SLC6A11: variants seen among roughly 807,000 people sequenced by gnomAD.
The protein encoded by SLC6A11 is sodium- and chloride-dependent GABA transporter 3.
A neutral mutation model predicts 74.8 loss-of-function variants in SLC6A11; 25 were observed. The ratio of observed to expected loss-of-function variants is 0.33; its 90% CI spans 0.24 to 0.47. The LOEUF (loss-of-function observed/expected upper bound fraction) is 0.47, where lower values mean the gene tolerates loss of function less well. SLC6A11 is among the 20% of genes least tolerant of loss of function. The probability of loss-of-function intolerance (pLI) is 1.00; values close to 1 mark genes in which losing one functional copy is unlikely to be tolerated. For missense variants in SLC6A11, 574 were observed against 837.0 expected (o/e 0.69, Z 3.88); for synonymous variants, 330 against 330.2 (o/e 1.00, Z 0.01).
At chr3:10,909,414 A>G (rs1024623276) in intron 6 of SLC6A11, among the ~76,000 whole-genome samples, 1 of 151,810 alleles carries the variant, frequency 6.6e-6, no homozygotes, top group South Asian at 2.1e-4. Context: ...GGTTTGGGGG[A>G]CGTATCTGGG....
intron 5 of SLC6A11, among the ~76,000 whole-genome samples, chr3:10,864,323 C>A (rs2106596647): frequency 6.6e-6 from 1 of 151,592 alleles, no homozygotes; most frequent in African/African-American, 2.4e-5. Flanking sequence ...AAACACCCCT[C>A]CCTTGTGACC....
chr3:10,888,129 C>G, intron 6 of SLC6A11, among the ~76,000 whole-genome samples: 1 of 152,230 alleles, frequency 6.6e-6, no homozygotes, highest in Non-Finnish European at 1.5e-5. Flanking sequence ...TGAATGCCTG[C>G]TCTTCATTCT....
intron 4 of SLC6A11, among the ~76,000 whole-genome samples, chr3:10,839,138 T>C (rs1195072313): frequency 1.3e-5 from 2 of 152,130 alleles, no homozygotes; most frequent in East Asian, 3.9e-4. Flanking sequence ...TTCCCTCCTG[T>C]TTCTGAAATT....
intron 6 of SLC6A11, among the ~76,000 whole-genome samples, chr3:10,876,852 TC>T (rs1207504050): frequency 6.6e-6 from 1 of 150,800 alleles, no homozygotes; most frequent in Non-Finnish European, 1.5e-5. Flanking sequence ...ACCATCTGCT[TC>T]CTTTTAGGCC....
At chr3:10,874,888 G>C in intron 5 of SLC6A11, 73 bp from the exon 6 acceptor site, 1 of 1,455,218 alleles carries the variant, frequency 6.9e-7, no homozygotes, top group South Asian at 1.4e-5. Flanking sequence ...GCACCCAAAG[G>C]ACATTGTGCT....
At chr3:10,925,029 A>G (rs1384466067) in intron 8 of SLC6A11, among the ~76,000 whole-genome samples, 1 of 152,236 alleles carries the variant, frequency 6.6e-6, no homozygotes, top group Admixed American at 6.5e-5. Context: ...AATTGAATTG[A>G]TGGTTGCCCA....
At chr3:10,881,762 G>A (rs1450010089) in intron 6 of SLC6A11, among the ~76,000 whole-genome samples, 1 of 152,150 alleles carries the variant, frequency 6.6e-6, no homozygotes, top group African/African-American at 2.4e-5. Context: ...CACCCCAGAG[G>A]ATACTCTTCT....
chr3:10,864,910 T>C (rs1285652585), intron 5 of SLC6A11, among the ~76,000 whole-genome samples: 4 of 152,188 alleles, frequency 2.6e-5, no homozygotes, highest in African/African-American at 4.8e-5. Flanking sequence ...GATTATCACC[T>C]CTTAACACCA....
At chr3:10,876,111 C>T (rs567472283) in intron 6 of SLC6A11, among the ~76,000 whole-genome samples, 1 of 152,322 alleles carries the variant, frequency 6.6e-6, no homozygotes, top group East Asian at 1.9e-4. Flanking sequence ...GGCTTCCAGC[C>T]ACCTCCTGTT....
At chr3:10,822,899 A>T (rs1039154402) in intron 3 of SLC6A11, among the ~76,000 whole-genome samples, 2 of 152,206 alleles carry the variant, frequency 1.3e-5, no homozygotes, top group African/African-American at 4.8e-5. Context: ...CAGCTGCATT[A>T]CTGCCCCAAG....
At chr3:10,883,841 G>T (rs1695010946) in intron 6 of SLC6A11, among the ~76,000 whole-genome samples, 1 of 152,112 alleles carries the variant, frequency 6.6e-6, no homozygotes, top group African/African-American at 2.4e-5. Flanking sequence ...TTGCAAAGTA[G>T]TGGCCCTCAC....
intron 5 of SLC6A11, among the ~76,000 whole-genome samples, chr3:10,867,151 GCA>G (rs952087396): frequency 6.6e-6 from 1 of 152,202 alleles, no homozygotes; most frequent in African/African-American, 2.4e-5. Flanking sequence ...AGGCGGGACT[GCA>G]CAGTGTCCTC....
intron 5 of SLC6A11, among the ~76,000 whole-genome samples, chr3:10,872,949 A>G (rs1296338579): frequency 6.6e-6 from 1 of 152,194 alleles, no homozygotes; most frequent in Non-Finnish European, 1.5e-5. Flanking sequence ...AAATGTTGAC[A>G]AGTTGCTGAT....
At chr3:10,863,475 G>C (rs1184938733) in intron 5 of SLC6A11, among the ~76,000 whole-genome samples, 1 of 152,212 alleles carries the variant, frequency 6.6e-6, no homozygotes, top group Non-Finnish European at 1.5e-5. Flanking sequence ...AAAGATAATA[G>C]CTTGCCAAAA....
At chr3:10,852,453 G>C (rs943763130) in intron 5 of SLC6A11, among the ~76,000 whole-genome samples, 2 of 152,238 alleles carry the variant, frequency 1.3e-5, no homozygotes, top group African/African-American at 2.4e-5. Flanking sequence ...CACCTTTAGC[G>C]GGAACCCTGG....
At chr3:10,875,775 C>T (rs563591511) in intron 6 of SLC6A11, among the ~76,000 whole-genome samples, 5 of 152,256 alleles carry the variant, frequency 3.3e-5, no homozygotes, top group Non-Finnish European at 2.9e-5. Context: ...CCCTGGAATA[C>T]GTTAAACAGA....
rs1459755316 is a variant in SLC6A11, at chr3:10,938,690, G to A, written c.*288G>A. Reference sequence around the variant, plus strand: ...AATGTTTTCTAGGGATTAGGAAGAAGTGTATAATATTGTAAAACTTTTTTT... The same window carrying A: ...AATGTTTTCTAGGGATTAGGAAGAAATGTATAATATTGTAAAACTTTTTTT... On this transcript the variant is annotated 3_prime_UTR_variant, in exon 14 of 14. Transcript: ENST00000254488. 3.8e-6 allele frequency: 1 copy of A among 263,290 alleles called. No homozygotes were observed. The highest frequency in any genetic ancestry group is 6.8e-5 in the East Asian group (1 of 14,638). The allele number at this position is 263,290 out of a possible 1,614,324, so 16.3% of individuals were successfully genotyped here.
chr3:10,913,081 T>C (rs1180273687), intron 7 of SLC6A11, among the ~76,000 whole-genome samples: 1 of 147,730 alleles, frequency 6.8e-6, no homozygotes, highest in Non-Finnish European at 1.5e-5. Flanking sequence ...TAACAAATGG[T>C]TCTGAGATAG....
At chr3:10,931,198 C>T (rs370193049) in intron 10 of SLC6A11, among the ~76,000 whole-genome samples, 5 of 152,196 alleles carry the variant, frequency 3.3e-5, no homozygotes, top group East Asian at 1.9e-4. Flanking sequence ...AAGGTGTTGT[C>T]GCTGCTCCGT....
Sources: gnomAD v4.1 joint callset for allele counts (sites outside exome capture counted in the v4.1 genomes callset) on GRCh38, gnomAD v4.1.1 for gene constraint, MANE v1.5 for transcripts, NCBI Gene and HGNC (gene_info 2026-07-23, HGNC 2026-07-21) for gene names.